Variants in C1orf105 observed in about 807,000 individuals in gnomAD.
C1orf105 encodes the protein chromosome 1 open reading frame 105, also known as uncharacterized protein C1orf105.
C1orf105 carries 17 observed loss-of-function variants against 20.8 expected under a neutral mutation model. That is an observed-to-expected ratio of 0.82 (90% CI 0.56 to 1.23). The LOEUF (loss-of-function observed/expected upper bound fraction) is 1.23, where lower values mean the gene tolerates loss of function less well. C1orf105 is among the 50% of genes most tolerant of loss of function. The pLI is 0.00. For synonymous variants in C1orf105, 72 were observed against 72.1 expected (o/e 1.00, Z 0.01); for missense variants, 219 against 213.5 (o/e 1.03, Z -0.16).
At chr1:172,441,548 A>G (rs1647308442) in intron 1 of C1orf105, 2 of 481,622 alleles carry the variant, frequency 4.2e-6, no homozygotes, top group East Asian at 6.2e-5. Flanking sequence ...TCATCTACAA[A>G]ATAACAGAAA....
At chr1:172,461,137 C>T (rs913800420) in intron 4 of C1orf105, among the ~76,000 whole-genome samples, 13 of 152,170 alleles carry the variant, frequency 8.5e-5, no homozygotes, top group Admixed American at 8.5e-4. Context: ...CCTTGGCTGC[C>T]CCCACTATGC....
chr1:172,454,326 C>T (rs1270037726), intron 3 of C1orf105, among the ~76,000 whole-genome samples: 1 of 151,464 alleles, frequency 6.6e-6, no homozygotes, highest in East Asian at 1.9e-4. Flanking sequence ...GGTATTAGTG[C>T]CTCTTGTATG....
At chr1:172,424,851 G>T (rs1352464419) in intron 1 of C1orf105, among the ~76,000 whole-genome samples, 1 of 151,882 alleles carries the variant, frequency 6.6e-6, no homozygotes, top group East Asian at 1.9e-4. Context: ...TATTTATTTT[G>T]CAACTTAAAA....
intron 1 of C1orf105, among the ~76,000 whole-genome samples, chr1:172,440,011 C>T (rs2072168784): frequency 6.6e-6 from 1 of 152,112 alleles, no homozygotes; most frequent in South Asian, 2.1e-4. Flanking sequence ...TACAGAAAAC[C>T]ACCAATTTTT....
At chr1:172,425,434 A>G (rs1316186606) in intron 1 of C1orf105, among the ~76,000 whole-genome samples, 1 of 152,160 alleles carries the variant, frequency 6.6e-6, no homozygotes, top group East Asian at 1.9e-4. Flanking sequence ...CATTGATGGC[A>G]TCTGTGAGTT....
intron 2 of C1orf105, among the ~76,000 whole-genome samples, chr1:172,447,788 C>G (rs1648176719): frequency 6.6e-6 from 1 of 152,176 alleles, no homozygotes; most frequent in African/African-American, 2.4e-5. Flanking sequence ...TCTTGGATGC[C>G]AGGGGCATGA....
chr1:172,462,799 GTCTC>G (rs1257988889), intron 5 of C1orf105, among the ~76,000 whole-genome samples: 3 of 152,176 alleles, frequency 2.0e-5, no homozygotes, highest in South Asian at 4.2e-4. Flanking sequence ...TTGAGATGGA[GTCTC>G]TCTCTGTTGC....
chr1:172,453,251 G>A (rs569474958), intron 3 of C1orf105: 5 of 1,491,654 alleles, frequency 3.4e-6, no homozygotes, highest in Non-Finnish European at 3.6e-6. Flanking sequence ...TAAAGGGACA[G>A]GATTAGAGCA....
At chr1:172,426,896 C>T (rs1318923826) in intron 1 of C1orf105, among the ~76,000 whole-genome samples, 1 of 152,160 alleles carries the variant, frequency 6.6e-6, no homozygotes, top group Non-Finnish European at 1.5e-5. Flanking sequence ...TTAAAACCAC[C>T]ATTCTGGGTA....
At chr1:172,450,954 G>A (rs553580086) in intron 3 of C1orf105, 25 of 152,338 alleles carry the variant, frequency 1.6e-4, no homozygotes, top group African/African-American at 5.1e-4. Flanking sequence ...ACATTTCCTC[G>A]TTTAAACATC....
intron 3 of C1orf105, among the ~76,000 whole-genome samples, chr1:172,455,555 T>G (rs1472913011): frequency 6.6e-6 from 1 of 152,248 alleles, no homozygotes; most frequent in African/African-American, 2.4e-5. Context: ...AAGTTTAGCC[T>G]CAAGTTCCTA....
rs1376039623 is a variant in C1orf105, at chr1:172,465,598, C to T, written c.406+235C>T. 1.6e-5 allele frequency: 10 copies of T among 642,392 alleles called. No individual in the cohort carries two copies. In the Admixed American group the frequency reaches 2.1e-4, roughly 13 times the overall value. 39.8% of individuals were successfully genotyped at this position (642,392 alleles called of 1,614,324 possible). ...CACTTGCCCTTATACATGTCATGTT[C>T]CTTCCCAGGATCTGTCCACAACATA... On this transcript the variant is annotated intron_variant, in intron 6 of 6. Coordinates refer to ENST00000367727, the MANE Select transcript of C1orf105 (RefSeq NM_139240.4).
rs752641234 is a variant in C1orf105 at position 172,468,551 on chromosome 1, CCT to C, written c.510_511del (p.Leu171AlafsTer28). On this transcript the variant is annotated frameshift_variant, in exon 7 of 7. Coordinates refer to ENST00000367727, the MANE Select transcript of C1orf105 (RefSeq NM_139240.4). LOFTEE classifies it low-confidence loss of function (END_TRUNC). ...ACTCTAAAAGAGAGACAACGTTCTT[CCT>C]TGCCCAGAAAGGAACCAATAGGCAA... 2.1e-4 allele frequency: 343 copies of C among 1,613,888 alleles called. No individual in the cohort carries two copies. Among genetic ancestry groups the C allele is most frequent in the Non-Finnish European group, 2.8e-4 (335 of 1,179,922 alleles).
In C1orf105 at chr1:172,462,187, AG is replaced by A. The variant is rs769100591; in HGVS notation, c.284del (p.Arg95LysfsTer3). ...TCQEMKMVQP[R>X]TMKIPDDPKA... ...AGACTTTCTTCTTGAGGTACAACCA[AG>A]AACAATGAAAATCCCAGATGATCCA... On this transcript the variant is annotated frameshift_variant, in exon 5 of 7. Transcript: ENST00000367727. LOFTEE classifies it high-confidence loss of function. 6.2e-7 allele frequency: 1 copy of A among 1,609,628 alleles called. No homozygotes were observed. The highest frequency in any genetic ancestry group is 8.5e-7 in the Non-Finnish European group (1 of 1,177,928).
chr1:172,464,681 C>T (rs1479477589), intron 5 of C1orf105, among the ~76,000 whole-genome samples: 1 of 150,434 alleles, frequency 6.6e-6, no homozygotes, highest in Non-Finnish European at 1.5e-5. Flanking sequence ...GAACTCTTTC[C>T]TTTATTCCTC....
intron 3 of C1orf105, chr1:172,453,230 A>C: frequency 6.5e-7 from 1 of 1,541,018 alleles, no homozygotes; most frequent in Non-Finnish European, 8.8e-7. Flanking sequence ...TTTACCTTTA[A>C]ATGTAAAGTG....
chr1:172,435,420 G>A (rs973001219), intron 1 of C1orf105, among the ~76,000 whole-genome samples: 1 of 152,222 alleles, frequency 6.6e-6, no homozygotes, highest in Non-Finnish European at 1.5e-5. Flanking sequence ...CTTCATCCCT[G>A]GGATGCAAGG....
chr1:172,445,252 A>T, intron 2 of C1orf105, 94 bp downstream of exon 2: 1 of 966,698 alleles, frequency 1.0e-6, no homozygotes, highest in South Asian at 1.5e-5. Context: ...CAGAGGGCAC[A>T]TTTGATCCAT....
At chr1:172,461,839 G>A (rs1649714099) in intron 4 of C1orf105, among the ~76,000 whole-genome samples, 1 of 152,174 alleles carries the variant, frequency 6.6e-6, no homozygotes, top group African/African-American at 2.4e-5. Context: ...ACATAGAGCG[G>A]AGGACTACCG....
Sources: gnomAD v4.1 joint callset for allele counts (sites outside exome capture counted in the v4.1 genomes callset) on GRCh38, gnomAD v4.1.1 for gene constraint, MANE v1.5 for transcripts, NCBI Gene and HGNC (gene_info 2026-07-23, HGNC 2026-07-21) for gene names.